FAH: variants seen among roughly 807,000 people sequenced by gnomAD.
The protein encoded by FAH is fumarylacetoacetate hydrolase, also known as fumarylacetoacetase.
FAH carries 47 observed loss-of-function variants against 55.8 expected under a neutral mutation model. The ratio of observed to expected loss-of-function variants is 0.84; its 90% confidence interval spans 0.67 to 1.07. The LOEUF (loss-of-function observed/expected upper bound fraction) is 1.07, where lower values mean the gene tolerates loss of function less well. FAH is among the 50% of genes least tolerant of loss of function. The pLI, the probability that FAH is intolerant of heterozygous loss-of-function variation, is 0.00. For synonymous variants in FAH, 199 were observed against 207.7 expected (o/e 0.96, Z 0.36); for missense variants, 495 against 545.9 (o/e 0.91, Z 0.93).
upstream of FAH, chr15:80,152,822 T>C: frequency 2.5e-6 from 1 of 402,436 alleles, no homozygotes; most frequent in Non-Finnish European, 4.2e-6. Context: ...GTGGAGGACC[T>C]GGAGCTGGCG....
In FAH at chr15:80,179,438, A is replaced by G. The variant is rs150685066; in HGVS notation, c.961-686A>G. Among the ~76,000 whole-genome samples, 211 of 152,260 alleles carry G rather than the reference A, an allele frequency of 1.4e-3. 1 individual carries two copies. Among genetic ancestry groups the G allele is most frequent in the African/African-American group, 4.8e-3 (200 of 41,556 alleles). On this transcript the variant is annotated intron_variant, in intron 11 of 13. Coordinates refer to ENST00000561421, the MANE Select transcript of FAH (RefSeq NM_000137.4). ...TGCAGGGGCTCGTGGGCAAGAATCC[A>G]TCTTTTGGGTTTCCTATGCCGGGAT...
intron 5 of FAH, chr15:80,166,279 A>G (rs1413319653): frequency 3.3e-5 from 5 of 152,118 alleles, no homozygotes; most frequent in African/African-American, 1.2e-4. Context: ...GCACACCACC[A>G]TGCCTGGCTA....
At chr15:80,165,907 A>G (rs1382292332) in intron 5 of FAH, 6 of 152,206 alleles carry the variant, frequency 3.9e-5, no homozygotes, top group Non-Finnish European at 8.8e-5. Context: ...GACTTGTGTT[A>G]TTACATGTTT....
intron 7 of FAH, among the ~76,000 whole-genome samples, chr15:80,170,150 A>G (rs1476659402): frequency 6.6e-6 from 1 of 152,230 alleles, no homozygotes; most frequent in African/African-American, 2.4e-5. Flanking sequence ...GGGACCTGGC[A>G]GGGTCTTCAG....
At chr15:80,168,487 T>A in intron 7 of FAH, 171 bp downstream of exon 7, 1 of 659,410 alleles carries the variant, frequency 1.5e-6, no homozygotes, top group Non-Finnish European at 2.7e-6. Flanking sequence ...CCTTATTACT[T>A]GCAGATTCTG....
chr15:80,176,282 C>T (rs1048958495), intron 10 of FAH, among the ~76,000 whole-genome samples: 1 of 152,220 alleles, frequency 6.6e-6, no homozygotes, highest in Non-Finnish European at 1.5e-5. Context: ...TTCCAAAGTG[C>T]TGGGATTACA....
chr15:80,156,734 GC>G (rs2041103548), intron 1 of FAH: 1 of 152,320 alleles, frequency 6.6e-6, no homozygotes, highest in East Asian at 1.9e-4. Context: ...TGACCTGTGA[GC>G]CCCCTCTAGT....
intron 7 of FAH, among the ~76,000 whole-genome samples, chr15:80,168,716 GT>G (rs1258943842): frequency 6.6e-6 from 1 of 152,302 alleles, no homozygotes; most frequent in South Asian, 2.1e-4. Context: ...TCGGTGCCAT[GT>G]TTTTTGCAGA....
intron 1 of FAH, among the ~76,000 whole-genome samples, chr15:80,155,329 C>G (rs995324389): frequency 2.0e-5 from 3 of 152,134 alleles, no homozygotes; most frequent in African/African-American, 4.8e-5. Flanking sequence ...TAGCGTCTAC[C>G]CTGTGTCTGT....
chr15:80,158,658 A>G (rs903560955), intron 2 of FAH, among the ~76,000 whole-genome samples: 3 of 152,164 alleles, frequency 2.0e-5, no homozygotes, highest in Admixed American at 1.3e-4. Flanking sequence ...TTGATATAGC[A>G]TCTTCTCATT....
intron 4 of FAH, among the ~76,000 whole-genome samples, chr15:80,161,413 A>G (rs1032789811): frequency 2.0e-5 from 3 of 151,162 alleles, no homozygotes; most frequent in South Asian, 2.1e-4. Flanking sequence ...ACCCTTCACC[A>G]TGACTGTTGC....
intron 7 of FAH, among the ~76,000 whole-genome samples, chr15:80,171,604 A>T (rs758267125): frequency 2.6e-5 from 4 of 152,022 alleles, no homozygotes; most frequent in Non-Finnish European, 5.9e-5. Context: ...GGGACTGCGG[A>T]CATGTGCCAC....
chr15:80,173,093 G>A lies in FAH; in HGVS notation c.786G>A (p.Trp262Ter), dbSNP rs80338899. The A allele has an allele frequency of 6.1e-5, 98 of 1,614,098 alleles. No homozygotes were observed. Among genetic ancestry groups the A allele is most frequent in the Non-Finnish European group, 2.5e-6 (3 of 1,180,034 alleles). Residue 262 changes from tryptophan (W) to a stop codon, truncating the protein, a stop_gained, in exon 9 of 14, where the codon TGG becomes TGA. Transcript: ENST00000561421. LOFTEE classifies it high-confidence loss of function. ...GTTTTGGGACCACTGTCTCTCCGTG[G>A]GTGGTGCCCATGGATGCTCTCATGC... ...GKSFGTTVSP[W>*]VVPMDALMPF... is the part of the protein sequence containing the mutation.
intron 9 of FAH, 85 bp from the exon 10 acceptor site, chr15:80,174,931 C>A: frequency 9.1e-7 from 1 of 1,095,860 alleles, no homozygotes; most frequent in Non-Finnish European, 1.4e-6. Flanking sequence ...GCAGGTGCTG[C>A]TGGGGGCCTG....
chr15:80,162,133 C>T (rs555366807), intron 4 of FAH, 113 bp from the exon 5 acceptor site: 12 of 822,866 alleles, frequency 1.5e-5, no homozygotes, highest in Non-Finnish European at 2.3e-5. Context: ...AGGCTGAGCT[C>T]TGGATGTGTA....
At chr15:80,171,522 G>A (rs1460874507) in intron 7 of FAH, among the ~76,000 whole-genome samples, 2 of 152,148 alleles carry the variant, frequency 1.3e-5, no homozygotes, top group African/African-American at 2.4e-5. Flanking sequence ...GTGCCGTGGC[G>A]TGATCTCGGC....
At position 80,170,964 on chromosome 15, in the gene FAH, G is replaced by A. The variant is rs972389529; in HGVS notation, c.607-1185G>A. On this transcript the variant is annotated intron_variant, in intron 7 of 13. Coordinates refer to ENST00000561421, the MANE Select transcript of FAH (RefSeq NM_000137.4). ...TGCTGTTTTTCTTTAGAGGTAGTGGGATGACAGATAGGGGTTAGAGGCCGT... is the reference window on the plus strand; with the variant it reads ...TGCTGTTTTTCTTTAGAGGTAGTGGAATGACAGATAGGGGTTAGAGGCCGT... 3.3e-5 allele frequency among the ~76,000 whole-genome samples: 5 copies of A among 152,128 alleles called. No homozygotes were observed. The South Asian group carries it at 1.0e-3, about 32-fold the overall frequency.
chr15:80,184,696 C>T (rs1441165108), intron 13 of FAH, among the ~76,000 whole-genome samples: 1 of 152,126 alleles, frequency 6.6e-6, no homozygotes, highest in Non-Finnish European at 1.5e-5. Flanking sequence ...AAGGGCATCC[C>T]TGCATGTTGT....
At position 80,172,176 on chromosome 15, in the gene FAH, T is replaced by A. The variant is rs1337693496; in HGVS notation, c.634T>A (p.Leu212Met). Residue 212 changes from leucine to methionine, a missense_variant, in exon 8 of 14, where the codon TTG (leucine) becomes ATG (methionine). Physicochemically the swap from Leu to Met is conservative, Grantham distance 15 (BLOSUM62 2). Coordinates refer to ENST00000561421, the MANE Select transcript of FAH (RefSeq NM_000137.4). ...TTTTTTTGTAGGCCCTGGAAACAGATTGGGAGAGCCGATCCCCATTTCCAA... is the reference window on the plus strand; with the variant it reads ...TTTTTTTGTAGGCCCTGGAAACAGAATGGGAGAGCCGATCCCCATTTCCAA... ...MAFFVGPGNR[L>M]GEPIPISKAH... is the part of the protein sequence containing the mutation. 10 of 1,614,054 alleles carry A rather than the reference T, an allele frequency of 6.2e-6. No homozygotes were observed. Among genetic ancestry groups the A allele is most frequent in the Non-Finnish European group, 8.5e-6 (10 of 1,179,960 alleles).
Sources: allele counts gnomAD v4.1 joint callset (sites outside exome capture counted in the v4.1 genomes callset), GRCh38; gene constraint gnomAD v4.1.1; transcripts MANE v1.5; gene names NCBI Gene and HGNC (gene_info 2026-07-23, HGNC 2026-07-21).